Variants in KIAA1328 observed in about 807,000 individuals in gnomAD.
KIAA1328 encodes KIAA1328.
Under a neutral mutation model 68.1 loss-of-function variants are expected in KIAA1328, and 52 were observed. That is an observed-to-expected ratio of 0.76 (90% CI 0.61 to 0.96). The LOEUF is 0.96. Ranked by LOEUF, KIAA1328 falls within the 40% of genes least tolerant of loss-of-function variation. The pLI is 0.00. For missense variants in KIAA1328, 641 were observed against 677.6 expected, an observed-to-expected ratio of 0.95 and a Z score of 0.60; for synonymous variants, 232 against 239.4, an observed-to-expected ratio of 0.97 and a Z score of 0.28.
rs182359860 is a variant in KIAA1328 at position 37,147,694 on chromosome 18, G to A, written c.1233-12506G>A. ...GAAGTTTATGATAAGCCTTCTTCTC[G>A]TATGTGGGCTTTCTAGTATTCTTAG... is the stretch of plus-strand genomic sequence containing the variant. On this transcript the variant is annotated intron_variant, in intron 7 of 9. Coordinates refer to ENST00000280020, the MANE Select transcript of KIAA1328 (RefSeq NM_020776.3). Among the ~76,000 whole-genome samples the A allele has an allele frequency of 2.6e-3, 400 of 152,180 alleles. 4 individuals carry two copies. The highest frequency in any genetic ancestry group is 0.015 in the Admixed American group (232 of 15,278).
chr18:37,128,728 G>A (rs543122040), intron 7 of KIAA1328, among the ~76,000 whole-genome samples: 1 of 152,242 alleles, frequency 6.6e-6, no homozygotes, highest in South Asian at 2.1e-4. Flanking sequence ...GTTTCTAATA[G>A]CCAAAAATTG....
chr18:36,875,276 C>T (rs1490086083), intron 4 of KIAA1328, among the ~76,000 whole-genome samples: 1 of 152,146 alleles, frequency 6.6e-6, no homozygotes, highest in Non-Finnish European at 1.5e-5. Context: ...TGGCCATTTT[C>T]ACAATATTGA....
At chr18:37,020,151 T>A (rs1359257271) in intron 6 of KIAA1328, among the ~76,000 whole-genome samples, 1 of 151,344 alleles carries the variant, frequency 6.6e-6, no homozygotes, top group Admixed American at 6.6e-5. Context: ...GGAGACAGAG[T>A]CTCACCCTGT....
intron 5 of KIAA1328, among the ~76,000 whole-genome samples, chr18:36,954,687 CTTTTT>C (rs35883053): frequency 8.3e-6 from 1 of 121,074 alleles, no homozygotes; most frequent in African/African-American, 2.9e-5. Context: ...AAAGACTTCA[CTTTTT>C]TTTTTTTTTT....
At chr18:37,050,133 A>G (rs1440037685) in intron 6 of KIAA1328, among the ~76,000 whole-genome samples, 2 of 152,098 alleles carry the variant, frequency 1.3e-5, no homozygotes, top group African/African-American at 4.8e-5. Context: ...TTGTTACTGG[A>G]GGACATAAAA....
chr18:36,982,083 TTTATA>T (rs969917933), intron 6 of KIAA1328, among the ~76,000 whole-genome samples: 63 of 145,692 alleles, frequency 4.3e-4, no homozygotes, highest in East Asian at 2.1e-3. Context: ...AATATATATA[TTTATA>T]TTATATTATA....
chr18:37,063,569 G>C (rs1482682829), intron 6 of KIAA1328: 2 of 888,596 alleles, frequency 2.3e-6, no homozygotes, highest in African/African-American at 3.6e-5. Context: ...GCGTACACTA[G>C]GGGGTGAGAA....
intron 5 of KIAA1328, among the ~76,000 whole-genome samples, chr18:36,894,228 G>A (rs2048796850): frequency 6.6e-6 from 1 of 152,162 alleles, no homozygotes; most frequent in Admixed American, 6.6e-5. Flanking sequence ...TTATAAAAAT[G>A]TGTAATATAT....
intron 4 of KIAA1328, among the ~76,000 whole-genome samples, chr18:36,859,647 G>A (rs2047495680): frequency 6.7e-6 from 1 of 150,274 alleles, no homozygotes; most frequent in Non-Finnish European, 1.5e-5. Context: ...ACAGTGCCTC[G>A]CTGTGTTGCC....
chr18:37,213,481 T>C (rs2060359293), intron 9 of KIAA1328, among the ~76,000 whole-genome samples: 2 of 152,202 alleles, frequency 1.3e-5, no homozygotes, highest in African/African-American at 2.4e-5. Context: ...GATGAACTCA[T>C]CCTTTTTTAT....
chr18:37,100,436 C>CT (rs916603164), intron 7 of KIAA1328, among the ~76,000 whole-genome samples: 6 of 152,318 alleles, frequency 3.9e-5, no homozygotes, highest in African/African-American at 1.4e-4. Context: ...GCACAGCAGT[C>CT]TGTGATCAAA....
intron 5 of KIAA1328, among the ~76,000 whole-genome samples, chr18:36,918,766 G>T (rs2049809984): frequency 6.6e-6 from 1 of 151,458 alleles, no homozygotes; most frequent in African/African-American, 2.4e-5. Flanking sequence ...TTTAAGCTTT[G>T]CTTTAGCTGT....
At chr18:37,132,640 C>T (rs1381834727) in intron 7 of KIAA1328, among the ~76,000 whole-genome samples, 1 of 152,096 alleles carries the variant, frequency 6.6e-6, no homozygotes, top group East Asian at 1.9e-4. Context: ...ATTTAGGGAA[C>T]TTTGGATGGT....
intron 8 of KIAA1328, among the ~76,000 whole-genome samples, chr18:37,161,611 T>C (rs891850878): frequency 6.6e-6 from 1 of 152,244 alleles, no homozygotes; most frequent in Non-Finnish European, 1.5e-5. Context: ...CTTTACTTTC[T>C]CTGTTAGCAG....
At chr18:37,025,095 T>C (rs1333693186) in intron 6 of KIAA1328, among the ~76,000 whole-genome samples, 2 of 152,196 alleles carry the variant, frequency 1.3e-5, no homozygotes, top group Non-Finnish European at 1.5e-5. Flanking sequence ...TGGCATCTCA[T>C]TGTGGTTTTG....
intron 6 of KIAA1328, among the ~76,000 whole-genome samples, chr18:36,985,609 C>G (rs2052886963): frequency 6.6e-6 from 1 of 152,114 alleles, no homozygotes; most frequent in Admixed American, 6.5e-5. Context: ...GAAGAATATT[C>G]TTTTCAACGA....
chr18:37,155,808 A>G (rs1435442575), intron 7 of KIAA1328, among the ~76,000 whole-genome samples: 2 of 152,148 alleles, frequency 1.3e-5, no homozygotes, highest in African/African-American at 4.8e-5. Flanking sequence ...CACACACCCA[A>G]AGTTTAATGC....
chr18:37,184,389 A>C (rs1392930516), intron 9 of KIAA1328, among the ~76,000 whole-genome samples: 1 of 152,220 alleles, frequency 6.6e-6, no homozygotes, highest in East Asian at 1.9e-4. Flanking sequence ...CTGGGAGTTA[A>C]TTGCATAGAC....
chr18:36,975,676 G>A (rs1334449353), intron 6 of KIAA1328, among the ~76,000 whole-genome samples: 1 of 152,120 alleles, frequency 6.6e-6, no homozygotes, highest in Non-Finnish European at 1.5e-5. Flanking sequence ...TCAACTGCCT[G>A]TTAACAAAGT....
Sources: allele counts gnomAD v4.1 joint callset (sites outside exome capture counted in the v4.1 genomes callset), GRCh38; gene constraint gnomAD v4.1.1; transcripts MANE v1.5; gene names NCBI Gene and HGNC (gene_info 2026-07-23, HGNC 2026-07-21).